The following IGF2BP1 variants were observed in gnomAD, a reference collection of about 807,000 sequenced individuals.
The protein encoded by IGF2BP1 is insulin-like growth factor 2 mRNA-binding protein 1.
IGF2BP1 carries 11 observed loss-of-function variants against 74.9 expected under a neutral mutation model. That is an observed-to-expected ratio of 0.15 (90% CI 0.09 to 0.24). The LOEUF is 0.24. IGF2BP1 is among the 10% of genes least tolerant of loss of function. IGF2BP1 has a pLI of 1.00. For missense variants in IGF2BP1, 440 were observed against 757.4 expected (o/e 0.58, Z 4.92); for synonymous variants, 287 against 281.8 (o/e 1.02, Z -0.18).
chr17:49,019,927 T>C (rs1221474879), intron 2 of IGF2BP1, among the ~76,000 whole-genome samples: 6 of 61,608 alleles, frequency 9.7e-5, no homozygotes, highest in African/African-American at 5.2e-4. Context: ...TATATATATA[T>C]ATATATATAT....
intron 5 of IGF2BP1, chr17:49,036,775 C>A (rs925812969): frequency 6.5e-6 from 1 of 153,180 alleles, no homozygotes; most frequent in Non-Finnish European, 1.5e-5. Flanking sequence ...CATGGAGAAA[C>A]CCCATCTCTA....
chr17:49,029,169 T>C (rs2041892840), intron 4 of IGF2BP1, among the ~76,000 whole-genome samples: 1 of 152,186 alleles, frequency 6.6e-6, no homozygotes, highest in Non-Finnish European at 1.5e-5. Flanking sequence ...CTTGCTTATT[T>C]ATTATGCTTA....
rs752711229 is a variant in IGF2BP1, at chr17:49,042,300, G to A, written c.1000G>A (p.Glu334Lys). The A allele has an allele frequency of 5.0e-6, 8 of 1,613,940 alleles. No homozygotes were observed. The Admixed American group carries it at 8.3e-5, about 17-fold the overall frequency. The change falls in exon 9 of 15, where the codon GAG (glutamate) becomes AAG (lysine). Residue 334 changes from glutamate to lysine, a missense_variant. By Grantham distance (56) the Glu-to-Lys change is moderately conservative. This residue lies in a region of IGF2BP1 where 184 missense variants were observed against 273.4 expected (regional missense o/e 0.67). Transcript: ENST00000290341. The stretch of plus-strand genomic sequence containing the variant: ...GACCATCACTGTGAAGGGGGCCATC[G>A]AGAATTGTTGCAGGGCCGAGCAGGA... ...ERTITVKGAI[E>K]NCCRAEQEIM...
intron 11 of IGF2BP1, among the ~76,000 whole-genome samples, chr17:49,044,305 G>C (rs919580480): frequency 2.0e-5 from 3 of 152,118 alleles, no homozygotes; most frequent in African/African-American, 7.2e-5. Context: ...GGCAGGGGCA[G>C]GGTTATAACA....
chr17:48,997,799 G>A lies in IGF2BP1; in HGVS notation c.54G>A (p.Leu18=). 6.2e-7 allele frequency: 1 copy of A among 1,614,096 alleles called. No homozygotes were observed. Among genetic ancestry groups the A allele is most frequent in the East Asian group, 2.2e-5 (1 of 44,870 alleles). The part of the protein sequence containing the change: ...NLNESVTPAD[L]EKVFAEHKIS... ...ACGAGAGCGTGACCCCCGCGGACTT[G>A]GAGAAAGTGTTTGCGGAGCACAAGA... Residue 18 remains leucine (L), a synonymous_variant, in exon 1 of 15, where the codon TTG becomes TTA. Coordinates refer to ENST00000290341, the MANE Select transcript of IGF2BP1 (RefSeq NM_006546.4). This position sits in a 1 kb window ranked among gnomAD's most constrained non-coding sequence, Gnocchi z 4.8.
At chr17:49,009,017 T>TA (rs1469642514) in intron 2 of IGF2BP1, among the ~76,000 whole-genome samples, 1 of 152,008 alleles carries the variant, frequency 6.6e-6, no homozygotes, top group Non-Finnish European at 1.5e-5. Context: ...TGGAAGGAAA[T>TA]ACAATTTTTT....
chr17:49,046,180 AC>A, intron 13 of IGF2BP1, 79 bp from the exon 14 acceptor site: 7 of 1,449,156 alleles, frequency 4.8e-6, no homozygotes, highest in Non-Finnish European at 5.8e-6. Flanking sequence ...GGTTCTCCCC[AC>A]TAGTCACCCT....
intron 2 of IGF2BP1, among the ~76,000 whole-genome samples, chr17:49,024,161 C>A (rs2041825418): frequency 7.0e-6 from 1 of 143,794 alleles, no homozygotes; most frequent in South Asian, 2.2e-4. Context: ...CAACTCCTGA[C>A]CTCAAGTGAT....
chr17:49,002,025 T>C (rs1310290149), intron 2 of IGF2BP1, among the ~76,000 whole-genome samples: 1 of 152,054 alleles, frequency 6.6e-6, no homozygotes, highest in East Asian at 1.9e-4. Context: ...TTACTGTTAA[T>C]TAAGAAAAAA....
chr17:49,042,583 A>G (rs372135657), intron 9 of IGF2BP1, among the ~76,000 whole-genome samples: 7 of 152,244 alleles, frequency 4.6e-5, no homozygotes, highest in African/African-American at 9.6e-5. Context: ...TAGGGGTCCA[A>G]TCTTGGGCTT....
At chr17:49,008,157 A>G (rs2041572604) in intron 2 of IGF2BP1, among the ~76,000 whole-genome samples, 1 of 149,828 alleles carries the variant, frequency 6.7e-6, no homozygotes, top group Admixed American at 6.6e-5. Context: ...GGGTGACAAG[A>G]GTGAAATTCC....
At chr17:49,019,175 G>T (rs1021062827) in intron 2 of IGF2BP1, among the ~76,000 whole-genome samples, 2 of 152,150 alleles carry the variant, frequency 1.3e-5, no homozygotes, top group Non-Finnish European at 2.9e-5. Context: ...GTTTGCAGAG[G>T]ATTAGAGAAA....
At chr17:49,030,359 C>G (rs2041908582) in intron 4 of IGF2BP1, among the ~76,000 whole-genome samples, 1 of 152,140 alleles carries the variant, frequency 6.6e-6, no homozygotes, top group South Asian at 2.1e-4. Flanking sequence ...CCAGGCTGGT[C>G]TTGAACTCCT....
intron 2 of IGF2BP1, among the ~76,000 whole-genome samples, chr17:49,018,732 T>C (rs145421394): frequency 6.6e-6 from 1 of 152,056 alleles, no homozygotes; most frequent in African/African-American, 2.4e-5. Context: ...AAGAAGGTGT[T>C]TCCTTATAGG....
At chr17:49,019,954 A>ATT (rs1352776763) in intron 2 of IGF2BP1, among the ~76,000 whole-genome samples, 160 of 41,494 alleles carry the variant, frequency 3.9e-3, no homozygotes, top group African/African-American at 0.018. Flanking sequence ...ATATATTTAT[A>ATT]TACACACACA....
intron 5 of IGF2BP1, among the ~76,000 whole-genome samples, chr17:49,034,150 C>T (rs915073838): frequency 1.6e-4 from 22 of 138,162 alleles, no homozygotes; most frequent in African/African-American, 5.9e-4. Flanking sequence ...TGGAGTCTTG[C>T]CCAGGCTGGA....
chr17:49,023,783 A>G (rs1284298649), intron 2 of IGF2BP1, among the ~76,000 whole-genome samples: 2 of 152,204 alleles, frequency 1.3e-5, no homozygotes, highest in Non-Finnish European at 2.9e-5. Flanking sequence ...GGATAAACAA[A>G]GATATAAATG....
chr17:49,016,905 C>T (rs1387742897), intron 2 of IGF2BP1, among the ~76,000 whole-genome samples: 3 of 150,786 alleles, frequency 2.0e-5, no homozygotes, highest in Non-Finnish European at 3.0e-5. Context: ...AGCTCCTCCT[C>T]CCCTCCCCGC....
chr17:49,003,817 G>A (rs1598121285), intron 2 of IGF2BP1, among the ~76,000 whole-genome samples: 1 of 149,970 alleles, frequency 6.7e-6, no homozygotes, highest in Admixed American at 6.7e-5. Flanking sequence ...GGAGATACGG[G>A]GTTGGGTGGA....
Sources: gnomAD v4.1 joint callset for allele counts (sites outside exome capture counted in the v4.1 genomes callset) on GRCh38, gnomAD v4.1.1 for gene constraint, gnomAD v4.1.1 regional missense constraint, Gnocchi (gnomAD v3.1) non-coding constraint, MANE v1.5 for transcripts, NCBI Gene and HGNC (gene_info 2026-07-23, HGNC 2026-07-21) for gene names.